Variants in MEGF11 observed in about 807,000 individuals in gnomAD.
MEGF11 encodes the protein multiple EGF like domains 11.
In MEGF11, 126 loss-of-function variants were observed where a neutral mutation model predicts 146.6. The ratio of observed to expected loss-of-function variants is 0.86; its 90% CI spans 0.74 to 1.00. The LOEUF is 1.00. Ranked by LOEUF, MEGF11 falls within the 50% of genes least tolerant of loss-of-function variation. MEGF11 has a pLI of 0.00. For missense variants in MEGF11, 1,509 were observed against 1,521.2 expected (o/e 0.99, Z 0.13); for synonymous variants, 532 against 583.4 (o/e 0.91, Z 1.27).
chr15:65,896,071 T>G lies in MEGF11; in HGVS notation c.*1863A>C, dbSNP rs551623836. On this transcript the variant is annotated 3_prime_UTR_variant, in exon 26 of 26. Transcript: ENST00000395614. ...TGCTGATCTGACATCTTCATGCTGC[T>G]CATCCTTGCTTCACAAACACTTGCT... 2.6e-5 allele frequency: 4 copies of G among 152,458 alleles called. No homozygotes were observed. The South Asian group carries it at 8.3e-4, about 32-fold the overall frequency. 9.4% of individuals were successfully genotyped at this position (152,458 alleles called of 1,614,324 possible). A position where few individuals can be genotyped will look rare whatever the true frequency, so the allele number is the denominator to read the frequency against.
intron 1 of MEGF11, among the ~76,000 whole-genome samples, chr15:66,154,598 T>C (rs2089685110): frequency 6.6e-6 from 1 of 152,248 alleles, no homozygotes; most frequent in Non-Finnish European, 1.5e-5. Context: ...TGGGATTGTA[T>C]TTATTTTCCT....
intron 1 of MEGF11, among the ~76,000 whole-genome samples, chr15:66,178,344 G>C (rs535268918): frequency 1.3e-5 from 2 of 152,284 alleles, no homozygotes; most frequent in South Asian, 4.1e-4. Flanking sequence ...ACAGGCCAGA[G>C]AAGGGAGCGC....
At chr15:65,922,581 C>T in intron 14 of MEGF11, 109 bp from the exon 15 acceptor site, 2 of 1,420,478 alleles carry the variant, frequency 1.4e-6, no homozygotes, top group Admixed American at 5.5e-5. Context: ...GCATCCTTCC[C>T]TCATCTTGGA....
At chr15:65,916,670 G>T in intron 17 of MEGF11, 158 bp downstream of exon 17, 1 of 1,302,924 alleles carries the variant, frequency 7.7e-7, no homozygotes, top group Non-Finnish European at 1.1e-6. Context: ...AGCTGCCCCT[G>T]CAGAGCTCCT....
At chr15:66,178,180 C>G (rs1567273680) in intron 1 of MEGF11, among the ~76,000 whole-genome samples, 1 of 151,898 alleles carries the variant, frequency 6.6e-6, no homozygotes, top group African/African-American at 2.4e-5. Context: ...ACGAGGGAAT[C>G]TCACGATGTT....
intron 5 of MEGF11, among the ~76,000 whole-genome samples, chr15:65,992,350 C>T (rs2082068610): frequency 6.6e-6 from 1 of 151,684 alleles, no homozygotes; most frequent in South Asian, 2.1e-4. Context: ...AATATCACTG[C>T]ACCTGCTTGG....
intron 5 of MEGF11, among the ~76,000 whole-genome samples, chr15:66,061,185 C>G (rs2084892508): frequency 6.6e-6 from 1 of 152,202 alleles, no homozygotes; most frequent in South Asian, 2.1e-4. Context: ...CCTTTTGGAT[C>G]AGGGCCAAGG....
intron 1 of MEGF11, among the ~76,000 whole-genome samples, chr15:66,221,269 T>TCACG (rs2091730719): frequency 6.6e-6 from 1 of 152,062 alleles, no homozygotes; most frequent in Admixed American, 6.5e-5. Context: ...GCTGCCTGGG[T>TCACG]CACGGGCTCG....
At chr15:66,103,335 G>A (rs1279872440) in intron 4 of MEGF11, among the ~76,000 whole-genome samples, 1 of 152,182 alleles carries the variant, frequency 6.6e-6, no homozygotes, top group Non-Finnish European at 1.5e-5. Flanking sequence ...CCAGATGCCT[G>A]GGTTTGACTC....
At chr15:66,082,716 T>G (rs540962655) in intron 5 of MEGF11, among the ~76,000 whole-genome samples, 5 of 135,182 alleles carry the variant, frequency 3.7e-5, no homozygotes, top group African/African-American at 1.4e-4. Context: ...ACTGTTTACG[T>G]GAAGCATTTG....
chr15:66,052,962 T>C (rs1475568079), intron 5 of MEGF11, among the ~76,000 whole-genome samples: 1 of 152,170 alleles, frequency 6.6e-6, no homozygotes, highest in African/African-American at 2.4e-5. Context: ...ACTTAGGATC[T>C]TGATGACCCA....
chr15:66,032,498 A>T (rs2083561021), intron 5 of MEGF11, among the ~76,000 whole-genome samples: 1 of 152,244 alleles, frequency 6.6e-6, no homozygotes, highest in Non-Finnish European at 1.5e-5. Context: ...GACTGGAGAA[A>T]GTCTGGAACT....
chr15:66,074,289 A>C (rs568668761), intron 5 of MEGF11, among the ~76,000 whole-genome samples: 5 of 152,218 alleles, frequency 3.3e-5, no homozygotes, highest in Non-Finnish European at 7.3e-5. Flanking sequence ...AGCCCTCTGC[A>C]ACTTGCTTTT....
chr15:66,130,721 AGAGG>A (rs201223836), intron 1 of MEGF11, among the ~76,000 whole-genome samples: 1 of 144,070 alleles, frequency 6.9e-6, no homozygotes, highest in African/African-American at 2.6e-5. Context: ...AGAAAAAGAA[AGAGG>A]GAGGGAGGAA....
intron 9 of MEGF11, among the ~76,000 whole-genome samples, chr15:65,961,672 CTG>C (rs1172670406): frequency 6.6e-6 from 1 of 152,374 alleles, no homozygotes; most frequent in African/African-American, 2.4e-5. Context: ...GATTCAATCT[CTG>C]TGCAGCAGCC....
At chr15:66,130,721 A>AGAGG (rs201223836) in intron 1 of MEGF11, among the ~76,000 whole-genome samples, 3,212 of 144,054 alleles carry the variant, frequency 0.022, 153 homozygotes, top group African/African-American at 0.075. Flanking sequence ...AGAAAAAGAA[A>AGAGG]GAGGGAGGGA....
chr15:65,898,501 T>A (rs2078409100), intron 25 of MEGF11: 1 of 985,236 alleles, frequency 1.0e-6, no homozygotes, highest in Non-Finnish European at 1.2e-6. Context: ...CAGTATTTGT[T>A]TCATATTAGT....
intron 5 of MEGF11, among the ~76,000 whole-genome samples, chr15:66,093,836 CAG>C (rs2086421742): frequency 6.6e-6 from 1 of 152,134 alleles, no homozygotes; most frequent in African/African-American, 2.4e-5. Flanking sequence ...CACCTCACCC[CAG>C]GCTCAGTAGG....
intron 13 of MEGF11, among the ~76,000 whole-genome samples, chr15:65,924,535 T>C (rs2079298122): frequency 6.6e-6 from 1 of 151,126 alleles, no homozygotes; most frequent in Non-Finnish European, 1.5e-5. Flanking sequence ...CTTGGGAAAG[T>C]GGAAACCATA....
Sources: gnomAD v4.1 joint callset for allele counts (sites outside exome capture counted in the v4.1 genomes callset) on GRCh38, gnomAD v4.1.1 for gene constraint, MANE v1.5 for transcripts, NCBI Gene and HGNC (gene_info 2026-07-23, HGNC 2026-07-21) for gene names.